SEC24D: variants seen among roughly 807,000 people sequenced by gnomAD.
SEC24D encodes the protein protein transport protein Sec24D.
A neutral mutation model predicts 116.9 loss-of-function variants in SEC24D; 69 were observed. The ratio of observed to expected loss-of-function variants is 0.59; its 90% CI spans 0.49 to 0.72. The LOEUF (loss-of-function observed/expected upper bound fraction) is 0.72. Ranked by LOEUF, SEC24D falls within the 30% of genes least tolerant of loss-of-function variation. SEC24D has a pLI of 0.00. For missense variants in SEC24D, 1,131 were observed against 1,264.1 expected, an observed-to-expected ratio of 0.89 and a Z score of 1.60; for synonymous variants, 405 against 442.8, an observed-to-expected ratio of 0.91 and a Z score of 1.07.
chr4:118,804,881 T>TACACACACAC (rs1729601928), intron 7 of SEC24D, among the ~76,000 whole-genome samples: 1 of 100,830 alleles, frequency 9.9e-6, no homozygotes, highest in Non-Finnish European at 2.1e-5. Context: ...TGTGTATGCA[T>TACACACACAC]GCATACACAC....
chr4:118,729,769 T>A (rs1303747646), intron 21 of SEC24D: 1 of 152,212 alleles, frequency 6.6e-6, no homozygotes, highest in African/African-American at 2.4e-5. Context: ...CCAGAGAACA[T>A]GTGAGTTAGA....
At chr4:118,723,685 C>A (rs1215353055) in intron 22 of SEC24D, 30 bp from the exon 23 acceptor site, 7 of 1,587,312 alleles carry the variant, frequency 4.4e-6, no homozygotes, top group Admixed American at 1.9e-5. Context: ...ACAGTAACAG[C>A]CCCTGGTTAT....
At chr4:118,789,637 C>A (rs189845351) in intron 8 of SEC24D, among the ~76,000 whole-genome samples, 1 of 152,174 alleles carries the variant, frequency 6.6e-6, no homozygotes, top group Non-Finnish European at 1.5e-5. Context: ...TAAGCTAGAG[C>A]GCAGTGGCGC....
chr4:118,804,883 CAT>C (rs1399576405), intron 7 of SEC24D, among the ~76,000 whole-genome samples: 2 of 109,672 alleles, frequency 1.8e-5, no homozygotes, highest in Admixed American at 1.1e-4. Context: ...TGTATGCATG[CAT>C]ACACACACAC....
chr4:118,735,825 C>CT (rs1725930079), intron 19 of SEC24D: 1 of 151,566 alleles, frequency 6.6e-6, no homozygotes, highest in African/African-American at 2.4e-5. Flanking sequence ...TCCTGAGTGG[C>CT]TGGGACTATA....
At chr4:118,774,210 A>G (rs1285415072) in intron 8 of SEC24D, among the ~76,000 whole-genome samples, 1 of 152,052 alleles carries the variant, frequency 6.6e-6, no homozygotes, top group East Asian at 1.9e-4. Flanking sequence ...TTTGAACAAT[A>G]CTATCAGAGA....
intron 3 of SEC24D, among the ~76,000 whole-genome samples, chr4:118,820,153 A>G (rs1448204922): frequency 6.6e-6 from 1 of 151,922 alleles, no homozygotes; most frequent in Non-Finnish European, 1.5e-5. Flanking sequence ...ATGAAAGAAC[A>G]TCTTAAACAT....
At chr4:118,778,285 A>G (rs556202434) in intron 8 of SEC24D, among the ~76,000 whole-genome samples, 43 of 152,322 alleles carry the variant, frequency 2.8e-4, no homozygotes, top group African/African-American at 8.4e-4. Flanking sequence ...ATTTTTGTAT[A>G]AGGTGTAAGG....
chr4:118,818,300 T>C (rs1474153602), intron 3 of SEC24D, among the ~76,000 whole-genome samples: 2 of 152,168 alleles, frequency 1.3e-5, no homozygotes, highest in African/African-American at 4.8e-5. Flanking sequence ...CTGGAAACTA[T>C]TTCCCCATGG....
chr4:118,815,080 G>C lies in SEC24D; in HGVS notation c.749C>G (p.Ala250Gly), dbSNP rs367720168. The C allele has an allele frequency of 6.2e-7, 1 of 1,614,162 alleles. No individual in the cohort carries two copies. Among genetic ancestry groups the C allele is most frequent in the Non-Finnish European group, 8.5e-7 (1 of 1,180,000 alleles). The change falls in exon 6 of 23, where the codon GCT (alanine) becomes GGT (glycine). Residue 250 changes from alanine (A) to glycine (G), a missense_variant. Transcript: ENST00000280551. Reference protein sequence around the residue: ...GGFPGGPAQMAGPPQPQKKLD... With the variant: ...GGFPGGPAQMGGPPQPQKKLD... ...CTTCTTCTGGGGCTGTGGCGGACCAGCCATCTGTGCAGGACCTCCAGGGAA... is the reference window on the plus strand; with the variant it reads ...CTTCTTCTGGGGCTGTGGCGGACCACCCATCTGTGCAGGACCTCCAGGGAA...
intron 10 of SEC24D, among the ~76,000 whole-genome samples, chr4:118,762,507 T>C (rs1344679586): frequency 1.3e-5 from 2 of 151,980 alleles, no homozygotes; most frequent in Admixed American, 6.6e-5. Flanking sequence ...TTCAATAATG[T>C]TAATTTTACC....
At chr4:118,795,369 G>A (rs1032356080) in intron 8 of SEC24D, among the ~76,000 whole-genome samples, 26 of 135,616 alleles carry the variant, frequency 1.9e-4, no homozygotes, top group Admixed American at 6.0e-4. Context: ...CCACCATACC[G>A]GGCTAATTTT....
chr4:118,723,577 CTCCGTAAAGTCCTTTG>C lies in SEC24D; in HGVS notation c.3021_3036del (p.Asp1007GlufsTer23). 1 of 1,613,848 alleles carries C rather than the reference CTCCGTAAAGTCCTTTG, an allele frequency of 6.2e-7. No individual in the cohort carries two copies. The highest frequency in any genetic ancestry group is 8.5e-7 in the Non-Finnish European group (1 of 1,179,874). On this transcript the variant is annotated frameshift_variant, in exon 23 of 23. Coordinates refer to ENST00000280551, the MANE Select transcript of SEC24D (RefSeq NM_014822.4). LOFTEE classifies it high-confidence loss of function. Reference sequence around the variant, plus strand: ...CAAAGGAAATCCACATAAGAAGAGCCTCCGTAAAGTCCTTTGTCTTCTACCAGGAACTGTCGGAAAA... The same window carrying C: ...CAAAGGAAATCCACATAAGAAGAGCCTCTTCTACCAGGAACTGTCGGAAAA...
At chr4:118,766,519 G>A (rs1727650825) in intron 9 of SEC24D, 1 of 152,206 alleles carries the variant, frequency 6.6e-6, no homozygotes, top group Admixed American at 6.5e-5. Flanking sequence ...AGCTTCCTAG[G>A]AATGGATACC....
rs746474212 is a variant in SEC24D at position 118,740,769 on chromosome 4, T to C, written c.2132A>G (p.Asn711Ser). The stretch of plus-strand genomic sequence containing the variant: ...AGCCATTTCTACATCGGTGGTGTTG[T>C]TCATCAAGATTCCACCAAAGAAATC... ...ATDFFGGILMNNTTDVEMAAI... is the reference protein window; with the variant it reads ...ATDFFGGILMSNTTDVEMAAI... Residue 711 changes from asparagine (N) to serine (S), a missense_variant, in exon 17 of 23, where the codon AAC becomes AGC. Coordinates refer to ENST00000280551, the MANE Select transcript of SEC24D (RefSeq NM_014822.4). The C allele has an allele frequency of 3.1e-6, 5 of 1,613,950 alleles. No homozygotes were observed. In the South Asian group the frequency reaches 5.5e-5, roughly 18 times the overall value.
At chr4:118,833,797 A>C in intron 1 of SEC24D, 60 bp from the exon 2 acceptor site, 1 of 771,540 alleles carries the variant, frequency 1.3e-6, no homozygotes, top group South Asian at 1.7e-5. Context: ...AAAGCTATTA[A>C]AAATATAAAC....
At chr4:118,786,100 T>C (rs1728656111) in intron 8 of SEC24D, among the ~76,000 whole-genome samples, 1 of 152,340 alleles carries the variant, frequency 6.6e-6, no homozygotes, top group South Asian at 2.1e-4. Flanking sequence ...AAGGTCTTCC[T>C]GCTAAAATAG....
intron 7 of SEC24D, among the ~76,000 whole-genome samples, 183 bp downstream of exon 7, chr4:118,805,660 G>A (rs567458348): frequency 5.9e-5 from 9 of 152,204 alleles, no homozygotes; most frequent in Admixed American, 1.3e-4. Flanking sequence ...ACTTCCATAC[G>A]CACAGAATAA....
intron 10 of SEC24D, among the ~76,000 whole-genome samples, chr4:118,759,100 G>A (rs2110464506): frequency 6.6e-6 from 1 of 152,210 alleles, no homozygotes; most frequent in East Asian, 1.9e-4. Context: ...ATTCCTCATG[G>A]AATATTTTCC....
Sources: allele counts gnomAD v4.1 joint callset (sites outside exome capture counted in the v4.1 genomes callset), GRCh38; gene constraint gnomAD v4.1.1; transcripts MANE v1.5; gene names NCBI Gene and HGNC (gene_info 2026-07-23, HGNC 2026-07-21).